Variants in PARD3 observed in about 807,000 individuals in gnomAD.
PARD3 encodes par-3 family cell polarity regulator, also known as partitioning defective 3 homolog.
PARD3 carries 75 observed loss-of-function variants against 155.4 expected under a neutral mutation model. The ratio of observed to expected loss-of-function variants is 0.48; its 90% confidence interval spans 0.40 to 0.58. The LOEUF (loss-of-function observed/expected upper bound fraction) is 0.58, where lower values mean the gene tolerates loss of function less well. PARD3 is among the 20% of genes least tolerant of loss of function. The pLI, the probability that PARD3 is intolerant of heterozygous loss-of-function variation, is 0.00. For synonymous variants in PARD3, 576 were observed against 610.5 expected (o/e 0.94, Z 0.83); for missense variants, 1,642 against 1,721.7 (o/e 0.95, Z 0.82).
chr10:34,391,928 GGTGGATCA>G (rs780688865), intron 7 of PARD3, among the ~76,000 whole-genome samples: 3 of 152,198 alleles, frequency 2.0e-5, no homozygotes, highest in Non-Finnish European at 4.4e-5. Flanking sequence ...GGCCGAGGTG[GGTGGATCA>G]CTTGAGCTCA....
At chr10:34,588,604 T>C (rs148214716) in intron 2 of PARD3, among the ~76,000 whole-genome samples, 294 of 152,268 alleles carry the variant, frequency 1.9e-3, no homozygotes, top group African/African-American at 6.8e-3. Flanking sequence ...CTGTAAGCCA[T>C]CAGGGAGTTG....
intron 1 of PARD3, among the ~76,000 whole-genome samples, chr10:34,794,618 T>C (rs922202912): frequency 2.0e-5 from 3 of 152,168 alleles, no homozygotes; most frequent in African/African-American, 7.2e-5. Flanking sequence ...CATAAAGAAA[T>C]GAGTGGAACC....
chr10:34,783,399 T>C (rs1181146000), intron 1 of PARD3, among the ~76,000 whole-genome samples: 3 of 151,574 alleles, frequency 2.0e-5, no homozygotes, highest in African/African-American at 7.3e-5. Flanking sequence ...GGTCAGGAGA[T>C]CGAGACCATC....
intron 19 of PARD3, among the ~76,000 whole-genome samples, chr10:34,326,553 A>C (rs778019095): frequency 5.9e-5 from 9 of 152,218 alleles, no homozygotes; most frequent in South Asian, 2.1e-4. Flanking sequence ...CTTATGATAA[A>C]ATTATACTTA....
At chr10:34,556,218 T>C (rs1310267825) in intron 2 of PARD3, among the ~76,000 whole-genome samples, 1 of 152,208 alleles carries the variant, frequency 6.6e-6, no homozygotes, top group African/African-American at 2.4e-5. Context: ...AAGAACCCGG[T>C]AGTACCGTTA....
intron 2 of PARD3, among the ~76,000 whole-genome samples, chr10:34,692,647 G>A (rs1449978881): frequency 6.6e-6 from 1 of 152,170 alleles, no homozygotes; most frequent in Non-Finnish European, 1.5e-5. Context: ...GGCCAAGGAG[G>A]GTGGATCACC....
intron 2 of PARD3, among the ~76,000 whole-genome samples, chr10:34,569,381 G>C (rs1021233980): frequency 6.6e-6 from 1 of 152,076 alleles, no homozygotes; most frequent in Admixed American, 6.6e-5. Flanking sequence ...AAGTAAATTT[G>C]CAATGCTTAA....
At chr10:34,603,972 C>G (rs528670547) in intron 2 of PARD3, among the ~76,000 whole-genome samples, 11 of 152,060 alleles carry the variant, frequency 7.2e-5, no homozygotes, top group Non-Finnish European at 1.6e-4. Flanking sequence ...GTCCCAGGTG[C>G]GTCCAGGAAC....
chr10:34,692,356 A>G (rs989537847), intron 2 of PARD3, among the ~76,000 whole-genome samples: 5 of 152,232 alleles, frequency 3.3e-5, no homozygotes, highest in African/African-American at 1.2e-4. Flanking sequence ...ACGAGACTTC[A>G]TGATGAAGAC....
At chr10:34,286,630 G>C (rs1956406281) in intron 20 of PARD3, among the ~76,000 whole-genome samples, 1 of 152,208 alleles carries the variant, frequency 6.6e-6, no homozygotes, top group Non-Finnish European at 1.5e-5. Context: ...GGCTAGAATG[G>C]GAGAGAAAAA....
chr10:34,141,389 C>T (rs546662885), intron 22 of PARD3, among the ~76,000 whole-genome samples: 2 of 152,170 alleles, frequency 1.3e-5, no homozygotes, highest in Non-Finnish European at 2.9e-5. Flanking sequence ...CCATTTCACA[C>T]CAATTTCAGT....
intron 14 of PARD3, among the ~76,000 whole-genome samples, chr10:34,350,893 T>C (rs1006626695): frequency 6.6e-6 from 1 of 152,138 alleles, no homozygotes; most frequent in African/African-American, 2.4e-5. Flanking sequence ...TGTAAAGTGA[T>C]ACAGTCTTTT....
chr10:34,622,660 G>T (rs935194205), intron 2 of PARD3, among the ~76,000 whole-genome samples: 2 of 152,070 alleles, frequency 1.3e-5, no homozygotes, highest in Non-Finnish European at 2.9e-5. Flanking sequence ...TGAATTTCTT[G>T]GACAAACTTC....
intron 5 of PARD3, among the ~76,000 whole-genome samples, chr10:34,405,073 AACACAAACACACACACACACAC>A (rs1313121975): frequency 5.9e-5 from 8 of 136,228 alleles, no homozygotes; most frequent in South Asian, 2.3e-4. Context: ...CCCCATCACA[AACACAAACACACACACACACAC>A]ACACACACAC....
In PARD3 at chr10:34,382,767, T is replaced by C. The variant is rs763562820; in HGVS notation, c.1172A>G (p.Asn391Ser). 4 of 1,614,060 alleles carry C rather than the reference T, an allele frequency of 2.5e-6. No individual in the cohort carries two copies. The highest frequency in any genetic ancestry group is 1.1e-5 in the South Asian group (1 of 91,084). ...RFSPDSQYID[N>S]RSVNSAGLHT... The stretch of plus-strand genomic sequence containing the variant: ...AAGCCCTGCACTGTTCACACTCCTG[T>C]TGTCAATATACTGGCTGTCAGGGCT... The change falls in exon 9 of 25, where the codon AAC becomes AGC. Residue 391 changes from asparagine to serine, a missense_variant. Asn to Ser is a conservative substitution (Grantham distance 46). Coordinates refer to ENST00000374788, the MANE Select transcript of PARD3 (RefSeq NM_001184785.2).
intron 16 of PARD3, among the ~76,000 whole-genome samples, chr10:34,340,584 C>T (rs1262244630): frequency 2.0e-5 from 3 of 151,868 alleles, no homozygotes; most frequent in Non-Finnish European, 4.4e-5. Flanking sequence ...TTTCAAGGTC[C>T]CAAATAAGAG....
chr10:34,565,726 G>A (rs961920338), intron 2 of PARD3, among the ~76,000 whole-genome samples: 4 of 152,126 alleles, frequency 2.6e-5, no homozygotes, highest in Admixed American at 1.3e-4. Context: ...CTTTTCAGAT[G>A]TGGAAAGACA....
rs1169592787 is a variant in PARD3 at position 34,286,548 on chromosome 10, G to C, written c.3066-2303C>G. On this transcript the variant is annotated intron_variant, in intron 20 of 24. Coordinates refer to ENST00000374788, the MANE Select transcript of PARD3 (RefSeq NM_001184785.2). ...AGGCAGAGGAGCAGGCAAGTGCCAA[G>C]GCCCTGAGACACAGGCAGGCTGAGT... is the stretch of plus-strand genomic sequence containing the variant. 4.6e-5 allele frequency among the ~76,000 whole-genome samples: 7 copies of C among 152,338 alleles called. No individual in the cohort carries two copies. The South Asian group carries it at 1.2e-3, about 27-fold the overall frequency.
intron 22 of PARD3, among the ~76,000 whole-genome samples, chr10:34,155,668 A>ATGTGTGTG (rs3039232): frequency 0.027 from 3,778 of 140,342 alleles, 136 homozygotes; most frequent in African/African-American, 0.075. Context: ...CCCTCTAAAA[A>ATGTGTGTG]TGTGTGTGTG....
Sources: allele counts gnomAD v4.1 joint callset (sites outside exome capture counted in the v4.1 genomes callset), GRCh38; gene constraint gnomAD v4.1.1; transcripts MANE v1.5; gene names NCBI Gene and HGNC (gene_info 2026-07-23, HGNC 2026-07-21).